Variants in CNBD1 observed in about 807,000 individuals in gnomAD.
CNBD1 encodes cyclic nucleotide-binding domain-containing protein 1.
A neutral mutation model predicts 54.4 loss-of-function variants in CNBD1; 71 were observed. That is an observed-to-expected ratio of 1.30 (90% CI 1.08 to 1.59). The LOEUF is 1.59. CNBD1 is among the 40% of genes most tolerant of loss of function. The pLI, the probability that CNBD1 is intolerant of heterozygous loss-of-function variation, is 0.00. For synonymous variants in CNBD1, 182 were observed against 170.7 expected, an observed-to-expected ratio of 1.07 and a Z score of -0.51; for missense variants, 659 against 518.0, an observed-to-expected ratio of 1.27 and a Z score of -2.64.
intron 10 of CNBD1, among the ~76,000 whole-genome samples, chr8:87,363,401 T>C (rs188828348): frequency 7.2e-5 from 11 of 152,288 alleles, no homozygotes; most frequent in Admixed American, 7.2e-4. Context: ...TTTCTGGTTA[T>C]AGATCCTTGA....
chr8:87,241,627 T>TA (rs1807711003), intron 6 of CNBD1, among the ~76,000 whole-genome samples: 1 of 152,126 alleles, frequency 6.6e-6, no homozygotes, highest in African/African-American at 2.4e-5. Flanking sequence ...TGTCACATAC[T>TA]AACGCAGGAA....
At chr8:87,339,896 A>AAT (rs1427640593) in intron 8 of CNBD1, among the ~76,000 whole-genome samples, 19 of 152,262 alleles carry the variant, frequency 1.2e-4, no homozygotes, top group African/African-American at 4.3e-4. Flanking sequence ...TTTAACTTCT[A>AAT]TACCAAAATT....
intron 4 of CNBD1, among the ~76,000 whole-genome samples, chr8:87,072,582 A>AAGTTTCACT (rs138764690): frequency 0.2 from 30,959 of 152,046 alleles, 3,739 homozygotes; most frequent in Non-Finnish European, 0.28. Flanking sequence ...GTTTGGCCAG[A>AAGTTTCACT]TATGAACTTC....
At chr8:87,424,359 T>C (rs1353927964) in intron 2 of CNBD1, among the ~76,000 whole-genome samples, 3 of 152,148 alleles carry the variant, frequency 2.0e-5, no homozygotes, top group Non-Finnish European at 4.4e-5. Flanking sequence ...TTCTTTTAAT[T>C]GTGATGTTAG....
intron 4 of CNBD1, among the ~76,000 whole-genome samples, chr8:87,180,297 CAT>C (rs199583939): frequency 0.013 from 1,913 of 152,220 alleles, 49 homozygotes; most frequent in African/African-American, 0.043. Context: ...ATTCTATAAA[CAT>C]ATTTTCCATG....
chr8:87,059,178 C>G (rs984744021), intron 4 of CNBD1, among the ~76,000 whole-genome samples: 1 of 152,300 alleles, frequency 6.6e-6, no homozygotes. Context: ...TTGTCCATAT[C>G]ACTGTTAGCA....
At chr8:87,313,270 G>A (rs1462350494) in intron 8 of CNBD1, among the ~76,000 whole-genome samples, 2 of 151,946 alleles carry the variant, frequency 1.3e-5, no homozygotes, top group Non-Finnish European at 1.5e-5. Flanking sequence ...GGACTTATTT[G>A]GAGAAAATAT....
intron 4 of CNBD1, among the ~76,000 whole-genome samples, chr8:87,034,200 C>T (rs1310843103): frequency 1.3e-5 from 2 of 152,194 alleles, no homozygotes; most frequent in African/African-American, 4.8e-5. Flanking sequence ...TATTGAGCAA[C>T]TCAACTTTTA....
At chr8:86,986,044 C>G (rs1808599479) in intron 4 of CNBD1, among the ~76,000 whole-genome samples, 1 of 152,068 alleles carries the variant, frequency 6.6e-6, no homozygotes, top group Non-Finnish European at 1.5e-5. Context: ...AATTCTCCTG[C>G]CTCAGCCTCC....
chr8:87,331,639 C>T (rs1041566114), intron 8 of CNBD1, among the ~76,000 whole-genome samples: 1 of 152,190 alleles, frequency 6.6e-6, no homozygotes, highest in Non-Finnish European at 1.5e-5. Flanking sequence ...TATCACCACA[C>T]TGTCTTCCAC....
In CNBD1 at chr8:87,295,991, T is replaced by C. The variant is rs150800496; in HGVS notation, c.1042+9320T>C. 2.4e-3 allele frequency among the ~76,000 whole-genome samples: 360 copies of C among 152,290 alleles called. 1 individual carries two copies. The highest frequency in any genetic ancestry group is 7.3e-3 in the African/African-American group (305 of 41,578). ...CTCTTATGTTTCGCTATGAATATTATTTATAACCAAACTGTTAACAATGAT... is the reference window on the plus strand; with the variant it reads ...CTCTTATGTTTCGCTATGAATATTACTTATAACCAAACTGTTAACAATGAT... On this transcript the variant is annotated intron_variant, in intron 8 of 10. Coordinates refer to ENST00000518476, the MANE Select transcript of CNBD1 (RefSeq NM_173538.3).
intron 3 of CNBD1, among the ~76,000 whole-genome samples, chr8:86,921,930 G>T (rs1043600527): frequency 6.6e-6 from 1 of 152,130 alleles, no homozygotes; most frequent in African/African-American, 2.4e-5. Flanking sequence ...GTAAGAGGTG[G>T]TAAGTGCAGT....
At chr8:86,942,727 A>G (rs1298759877) in intron 4 of CNBD1, among the ~76,000 whole-genome samples, 1 of 152,200 alleles carries the variant, frequency 6.6e-6, no homozygotes, top group Non-Finnish European at 1.5e-5. Flanking sequence ...TTCCCAAATC[A>G]TAGATTCTGC....
At position 86,926,251 on chromosome 8, in the gene CNBD1, G is replaced by T. The variant is rs187810089; in HGVS notation, c.273-13345G>T. On this transcript the variant is annotated intron_variant, in intron 3 of 10. Transcript: ENST00000518476. ...TGCTGTTGAGAACTGGGCAATGACTGCTCTAGCTACTTCCTGCTGGATAGG... is the reference window on the plus strand; with the variant it reads ...TGCTGTTGAGAACTGGGCAATGACTTCTCTAGCTACTTCCTGCTGGATAGG... 7.7e-4 allele frequency among the ~76,000 whole-genome samples: 118 copies of T among 152,258 alleles called. 2 individuals carry two copies. The highest frequency in any genetic ancestry group is 5.3e-3 in the Admixed American group (81 of 15,298).
At chr8:86,928,342 G>A (rs1247064810) in intron 3 of CNBD1, among the ~76,000 whole-genome samples, 1 of 152,162 alleles carries the variant, frequency 6.6e-6, no homozygotes, top group African/African-American at 2.4e-5. Context: ...AATAGGACAT[G>A]GGAGATGAGT....
chr8:87,113,875 C>T lies in CNBD1; in HGVS notation c.432-92118C>T, dbSNP rs768300129. Among the ~76,000 whole-genome samples, 7 of 150,874 alleles carry T rather than the reference C, an allele frequency of 4.6e-5. No individual in the cohort carries two copies. The South Asian group carries it at 8.3e-4, about 18-fold the overall frequency. On this transcript the variant is annotated intron_variant, in intron 4 of 10. Transcript: ENST00000518476. The stretch of plus-strand genomic sequence containing the variant: ...TGGAGCTTGCAGTGAGCCGAGATCG[C>T]GCCACTGTACTTCAACATGGGAGAC...
intron 8 of CNBD1, among the ~76,000 whole-genome samples, chr8:87,308,095 C>G (rs1040892992): frequency 6.6e-6 from 1 of 152,038 alleles, no homozygotes; most frequent in African/African-American, 2.4e-5. Flanking sequence ...CTTTATAGCC[C>G]TGTGAAAAAG....
rs773651978 is a variant in CNBD1, at chr8:87,241,416, G to GC, written c.771+4306dup. On this transcript the variant is annotated intron_variant, in intron 6 of 10. Coordinates refer to ENST00000518476, the MANE Select transcript of CNBD1 (RefSeq NM_173538.3). Reference sequence around the variant, plus strand: ...CTCCCCAGTAGCTGGGACTACAGGGGCCTGCCACCACGCCTGGCTAATTTT... The same window carrying GC: ...CTCCCCAGTAGCTGGGACTACAGGGGCCCTGCCACCACGCCTGGCTAATTTT... Among the ~76,000 whole-genome samples the GC allele has an allele frequency of 1.9e-3, 283 of 151,940 alleles. 1 individual carries two copies. The highest frequency in any genetic ancestry group is 2.8e-3 in the Non-Finnish European group (192 of 67,936).
intron 4 of CNBD1, among the ~76,000 whole-genome samples, chr8:86,989,339 A>ACATACATACATG (rs1808686563): frequency 6.6e-6 from 1 of 152,048 alleles, no homozygotes; most frequent in South Asian, 2.1e-4. Flanking sequence ...ATACATACAT[A>ACATACATACATG]GGTATGCAGA....
Sources: allele counts gnomAD v4.1 joint callset (sites outside exome capture counted in the v4.1 genomes callset), GRCh38; gene constraint gnomAD v4.1.1; transcripts MANE v1.5; gene names NCBI Gene and HGNC (gene_info 2026-07-23, HGNC 2026-07-21).